KIF17: variants seen among roughly 807,000 people sequenced by gnomAD.
KIF17 encodes kinesin-like protein KIF17.
A neutral mutation model predicts 96.8 loss-of-function variants in KIF17; 80 were observed. The ratio of observed to expected loss-of-function variants is 0.83; its 90% CI spans 0.69 to 1.00. The LOEUF (loss-of-function observed/expected upper bound fraction) is 1.00, where lower values mean the gene tolerates loss of function less well. KIF17 is among the 50% of genes least tolerant of loss of function. The pLI is 0.00. For synonymous variants in KIF17, 567 were observed against 587.5 expected (o/e 0.97, Z 0.51); for missense variants, 1,280 against 1,372.9 (o/e 0.93, Z 1.07).
chr1:20,702,151 A>G (rs6689786), intron 5 of KIF17, among the ~76,000 whole-genome samples: 8,917 of 152,238 alleles, frequency 0.059, 866 homozygotes, highest in African/African-American at 0.2. Flanking sequence ...CACACAAGGC[A>G]GGTGTCGCTA....
chr1:20,717,571 C>G lies in KIF17; in HGVS notation c.136G>C (p.Asp46His), dbSNP rs915491135. The G allele has an allele frequency of 1.9e-6, 3 of 1,611,712 alleles. No individual in the cohort carries two copies. Among genetic ancestry groups the G allele is most frequent in the Non-Finnish European group, 2.5e-6 (3 of 1,179,620 alleles). The stretch of plus-strand genomic sequence containing the variant: ...AAGGTGAACTGCTTGGGCGGCTCGT[C>G]GGCGGCGCCCGGGTTCTGGATGCAG... ...QCCIQNPGAADEPPKQFTFDG... is the reference protein window; with the variant it reads ...QCCIQNPGAAHEPPKQFTFDG... Residue 46 changes from aspartate to histidine, a missense_variant, in exon 1 of 15, where the codon GAC (aspartate) becomes CAC (histidine). Transcript: ENST00000400463.
At chr1:20,696,555 T>C (rs1310569385) in intron 6 of KIF17, among the ~76,000 whole-genome samples, 1 of 151,746 alleles carries the variant, frequency 6.6e-6, no homozygotes, top group Non-Finnish European at 1.5e-5. Flanking sequence ...TCCGTGGCAC[T>C]CCAGGGACCC....
At position 20,698,367 on chromosome 1, in the gene KIF17, C is replaced by T; in HGVS notation, c.1233+12G>A. 2 of 1,602,704 alleles carry T rather than the reference C, an allele frequency of 1.2e-6. No homozygotes were observed. The highest frequency in any genetic ancestry group is 1.7e-6 in the Non-Finnish European group (2 of 1,169,984). On this transcript the variant is annotated intron_variant, in intron 6 of 14. Coordinates refer to ENST00000400463, the MANE Select transcript of KIF17 (RefSeq NM_001122819.3). ...TGTCCCTTCTCCATGTTCCCACCCGCTTGGGTCTCACCTCCCGGATCAGCT... is the reference window on the plus strand; with the variant it reads ...TGTCCCTTCTCCATGTTCCCACCCGTTTGGGTCTCACCTCCCGGATCAGCT...
rs202221213 is a variant in KIF17, at chr1:20,709,611, C to T, written c.670+28G>A. The stretch of plus-strand genomic sequence containing the variant: ...GTGGGAGTGGCTGGGTCATCTGTCC[C>T]CCTGCCCCCAACAATGGCCTCGCAT... On this transcript the variant is annotated intron_variant, in intron 4 of 14. Transcript: ENST00000400463. The surrounding 1 kb of genome is among the most constrained non-coding windows in gnomAD (Gnocchi z 4.7). 2.3e-4 allele frequency: 378 copies of T among 1,613,250 alleles called. No homozygotes were observed. Among genetic ancestry groups the T allele is most frequent in the Admixed American group, 3.5e-4 (21 of 59,996 alleles).
Position 20,709,895 on chromosome 1 carries a change from A to G in KIF17, c.481-67T>C. 4 of 1,475,566 alleles carry G rather than the reference A, an allele frequency of 2.7e-6. No homozygotes were observed. In the South Asian group the frequency reaches 4.8e-5, roughly 18 times the overall value. The allele number at this position is 1,475,566 out of a possible 1,614,324, so 91.4% of individuals were successfully genotyped here. A position where few individuals can be genotyped will look rare whatever the true frequency, so the allele number is the denominator to read the frequency against. Reference sequence around the variant, plus strand: ...CAAGGGTTAGGACCAGGGATGGTCAAGGAACCAGAGAGAAGGGCCCCATCC... The same window carrying G: ...CAAGGGTTAGGACCAGGGATGGTCAGGGAACCAGAGAGAAGGGCCCCATCC... On this transcript the variant is annotated intron_variant, in intron 3 of 14. Transcript: ENST00000400463. This position sits in a 1 kb window ranked among gnomAD's most constrained non-coding sequence, Gnocchi z 4.7.
At chr1:20,691,130 C>T (rs2054033254) in intron 6 of KIF17, among the ~76,000 whole-genome samples, 1 of 151,830 alleles carries the variant, frequency 6.6e-6, no homozygotes, top group Admixed American at 6.5e-5. Flanking sequence ...AACCCCGCCT[C>T]TACTAAAAAT....
At chr1:20,683,420 C>G (rs1039908897) in intron 10 of KIF17, among the ~76,000 whole-genome samples, 4 of 152,096 alleles carry the variant, frequency 2.6e-5, no homozygotes, top group Non-Finnish European at 5.9e-5. Flanking sequence ...TTTGGGAGGC[C>G]TAGGCAGGCA....
rs1216664814 is a variant in KIF17 at position 20,698,403 on chromosome 1, C to T, written c.1209G>A (p.Glu403=). ...CCTCCCGGATCAGCTGCTTCTCGGC[C>T]TCCACGTCATGCTGGATCACAGGTT... ...LPQPVIQHDV[E]AEKQLIREEY... is the part of the protein sequence containing the mutation. The change falls in exon 6 of 15, where the codon GAG becomes GAA. Residue 403 remains glutamate (E), a synonymous_variant. Transcript: ENST00000400463. 1 of 1,613,842 alleles carries T rather than the reference C, an allele frequency of 6.2e-7. No homozygotes were observed. The highest frequency in any genetic ancestry group is 8.5e-7 in the Non-Finnish European group (1 of 1,179,872).
intron 5 of KIF17, among the ~76,000 whole-genome samples, chr1:20,703,930 CA>C (rs5772915): frequency 0.43 from 60,486 of 141,582 alleles, 12,477 homozygotes; most frequent in Non-Finnish European, 0.48. Flanking sequence ...GACTCCGTCT[CA>C]AAAAAAAAAA....
chr1:20,679,083 C>T (rs989447077), intron 11 of KIF17, among the ~76,000 whole-genome samples: 22 of 151,392 alleles, frequency 1.5e-4, no homozygotes, highest in African/African-American at 2.2e-4. Context: ...AGGCTGAGGC[C>T]GGCAGATCAT....
At chr1:20,716,175 G>C (rs1160117001) in intron 1 of KIF17, among the ~76,000 whole-genome samples, 1 of 150,718 alleles carries the variant, frequency 6.6e-6, no homozygotes, top group Non-Finnish European at 1.5e-5. Context: ...TTGAACCCAG[G>C]AGATTGCAGT....
intron 7 of KIF17, 53 bp downstream of exon 7, chr1:20,690,135 G>A (rs928599735): frequency 4.7e-5 from 76 of 1,604,212 alleles, no homozygotes; most frequent in South Asian, 2.3e-4. Flanking sequence ...GCAGTGAGGC[G>A]GAAAGGAGGC....
intron 11 of KIF17, among the ~76,000 whole-genome samples, chr1:20,674,455 G>A (rs1019891344): frequency 6.6e-6 from 1 of 151,964 alleles, no homozygotes; most frequent in African/African-American, 2.4e-5. Flanking sequence ...GTAGAGGCAG[G>A]GTTTCCCCCA....
chr1:20,717,403 C>A (rs1015004589), intron 1 of KIF17, 73 bp downstream of exon 1: 36 of 1,551,774 alleles, frequency 2.3e-5, no homozygotes, highest in Middle Eastern at 1.7e-4. Context: ...TGGGGGGCAG[C>A]GCAGCCCCCT....
chr1:20,683,165 C>T (rs549823626), intron 10 of KIF17, among the ~76,000 whole-genome samples: 11 of 152,328 alleles, frequency 7.2e-5, no homozygotes, highest in East Asian at 1.9e-4. Context: ...GGACTTCCCA[C>T]GCTGGTGCTC....
rs377589677 is a variant in KIF17, at chr1:20,686,055, C to T, written c.2010G>A (p.Pro670=). Residue 670 remains proline (P), a synonymous_variant, in exon 9 of 15, where the codon CCG becomes CCA. Coordinates refer to ENST00000400463, the MANE Select transcript of KIF17 (RefSeq NM_001122819.3). The stretch of plus-strand genomic sequence containing the variant: ...CCGGGGAGGTACTCACAGGCCTGGG[C>T]GGGAAGTCATCAGCCGCCTCGGCTT... ...RPEAEAADDF[P]PRPEVDLASE... is the part of the protein sequence containing the mutation. The T allele has an allele frequency of 3.3e-5, 51 of 1,556,514 alleles. No individual in the cohort carries two copies. Among genetic ancestry groups the T allele is most frequent in the African/African-American group, 1.4e-4 (10 of 73,406 alleles).
intron 5 of KIF17, among the ~76,000 whole-genome samples, chr1:20,701,401 A>C (rs888819515): frequency 6.6e-6 from 1 of 152,192 alleles, no homozygotes; most frequent in African/African-American, 2.4e-5. Context: ...ACTGCACTCC[A>C]GCCTGGGCGG....
In KIF17 at chr1:20,704,140, C is replaced by T. The variant is rs1021595410; in HGVS notation, c.1123+307G>A. On this transcript the variant is annotated intron_variant, in intron 5 of 14. Coordinates refer to ENST00000400463, the MANE Select transcript of KIF17 (RefSeq NM_001122819.3). The surrounding 1 kb of genome is among the most constrained non-coding windows in gnomAD (Gnocchi z 6.8). The stretch of plus-strand genomic sequence containing the variant: ...CGACAATGCCACAGACAGCAGCAGA[C>T]GGGGGTGTGGTGGGGGGTGTGGTGG... Among the ~76,000 whole-genome samples, 7 of 3,002 alleles carry T rather than the reference C, an allele frequency of 2.3e-3. No individual in the cohort carries two copies. The highest frequency in any genetic ancestry group is 3.2e-3 in the African/African-American group (2 of 630). 2.0% of individuals were successfully genotyped at this position (3,002 alleles called of 152,430 possible). A position where few individuals can be genotyped will look rare whatever the true frequency, so the allele number is the denominator to read the frequency against.
rs762538762 is a variant in KIF17, at chr1:20,685,218, C to A, written c.2020-198G>T. On this transcript the variant is annotated intron_variant, in intron 9 of 14. Coordinates refer to ENST00000400463, the MANE Select transcript of KIF17 (RefSeq NM_001122819.3). The surrounding 1 kb of genome is among the most constrained non-coding windows in gnomAD (Gnocchi z 4.1). The stretch of plus-strand genomic sequence containing the variant: ...GCCGCTATTCCCACTGACACCCCCA[C>A]GCTAGGAGGAAGGCTCCCAGCTTCC... 2.9e-6 allele frequency: 2 copies of A among 698,646 alleles called. No homozygotes were observed. The highest frequency in any genetic ancestry group is 3.0e-5 in the South Asian group (2 of 66,710). The allele number at this position is 698,646 out of a possible 1,614,324, so 43.3% of individuals were successfully genotyped here. A position where few individuals can be genotyped will look rare whatever the true frequency, so the allele number is the denominator to read the frequency against.
Sources: allele counts gnomAD v4.1 joint callset (sites outside exome capture counted in the v4.1 genomes callset), GRCh38; gene constraint gnomAD v4.1.1; non-coding constraint Gnocchi (gnomAD v3.1); transcripts MANE v1.5; gene names NCBI Gene and HGNC (gene_info 2026-07-23, HGNC 2026-07-21).